HCN1: variants seen among roughly 807,000 people sequenced by gnomAD.
HCN1 encodes the protein hyperpolarization activated cyclic nucleotide gated potassium channel 1, also known as potassium/sodium hyperpolarization-activated cyclic nucleotide-gated channel 1.
A neutral mutation model predicts 78.9 loss-of-function variants in HCN1; 13 were observed. That is an observed-to-expected ratio of 0.16 (90% CI 0.11 to 0.26). HCN1 has a LOEUF of 0.26. Ranked by LOEUF, HCN1 falls within the 10% of genes least tolerant of loss-of-function variation. The pLI is 1.00. For synonymous variants in HCN1, 552 were observed against 455.5 expected, an observed-to-expected ratio of 1.21 and a Z score of -2.70; for missense variants, 810 against 1,154.3, an observed-to-expected ratio of 0.70 and a Z score of 4.32.
chr5:45,635,255 A>G (rs1745335934), intron 2 of HCN1, among the ~76,000 whole-genome samples: 1 of 152,124 alleles, frequency 6.6e-6, no homozygotes, highest in South Asian at 2.1e-4. Flanking sequence ...TTTAAAAATG[A>G]GAAAAATGTC....
chr5:45,575,143 A>G (rs1012917171), intron 2 of HCN1: 1 of 152,170 alleles, frequency 6.6e-6, no homozygotes, highest in African/African-American at 2.4e-5. Flanking sequence ...ACATCCTTCT[A>G]TTGGAGGAAA....
intron 3 of HCN1, among the ~76,000 whole-genome samples, chr5:45,434,881 A>G (rs1421305971): frequency 6.6e-6 from 1 of 152,138 alleles, no homozygotes; most frequent in African/African-American, 2.4e-5. Context: ...TCTATATTAT[A>G]AAAGAATTAT....
chr5:45,452,950 T>C (rs1414404659), intron 3 of HCN1, among the ~76,000 whole-genome samples: 4 of 152,098 alleles, frequency 2.6e-5, no homozygotes, highest in Non-Finnish European at 4.4e-5. Context: ...CACATGGCTT[T>C]CTTCATGTCA....
At chr5:45,640,089 C>G (rs1001243758) in intron 2 of HCN1, among the ~76,000 whole-genome samples, 1 of 152,186 alleles carries the variant, frequency 6.6e-6, no homozygotes, top group Admixed American at 6.5e-5. Context: ...TTGTGCAAAG[C>G]AATTGTGTTG....
At chr5:45,331,947 C>G (rs1350439004) in intron 5 of HCN1, among the ~76,000 whole-genome samples, 1 of 151,366 alleles carries the variant, frequency 6.6e-6, no homozygotes, top group East Asian at 1.9e-4. Flanking sequence ...TAATAATTTC[C>G]ATAATTTAAC....
intron 4 of HCN1, among the ~76,000 whole-genome samples, chr5:45,354,628 C>CA (rs1444788596): frequency 1.3e-5 from 2 of 151,900 alleles, no homozygotes; most frequent in South Asian, 4.2e-4. Context: ...TTTCATTTTG[C>CA]AAAAAAATTA....
intron 2 of HCN1, among the ~76,000 whole-genome samples, chr5:45,556,414 C>T (rs1203694779): frequency 5.9e-5 from 9 of 151,962 alleles, no homozygotes; most frequent in Admixed American, 3.9e-4. Context: ...GGCCATTGTT[C>T]TCTGCCTATA....
intron 5 of HCN1, among the ~76,000 whole-genome samples, chr5:45,337,392 C>T (rs920898339): frequency 3.9e-5 from 6 of 152,022 alleles, no homozygotes; most frequent in Non-Finnish European, 8.8e-5. Flanking sequence ...GACAGTGATA[C>T]TAAGAAAGTT....
chr5:45,301,521 C>T (rs1056602383), intron 6 of HCN1, among the ~76,000 whole-genome samples: 3 of 151,374 alleles, frequency 2.0e-5, no homozygotes, highest in Admixed American at 2.0e-4. Flanking sequence ...GAGTTAGAGA[C>T]CAGCCTGGGC....
chr5:45,505,654 A>T (rs997265609), intron 2 of HCN1, among the ~76,000 whole-genome samples: 1 of 152,118 alleles, frequency 6.6e-6, no homozygotes, highest in Non-Finnish European at 1.5e-5. Flanking sequence ...TAAGGTTTTC[A>T]TTAAAATCTG....
intron 3 of HCN1, among the ~76,000 whole-genome samples, chr5:45,436,921 T>C (rs1364206863): frequency 6.6e-6 from 1 of 152,192 alleles, no homozygotes; most frequent in Non-Finnish European, 1.5e-5. Context: ...TCAACCAGAT[T>C]AAATAATACA....
intron 2 of HCN1, among the ~76,000 whole-genome samples, chr5:45,636,687 A>G (rs867783303): frequency 6.6e-6 from 1 of 152,098 alleles, no homozygotes; most frequent in Non-Finnish European, 1.5e-5. Flanking sequence ...GTCTGTACAA[A>G]AGAAAAATTT....
At chr5:45,324,304 T>G (rs1002107662) in intron 5 of HCN1, among the ~76,000 whole-genome samples, 2 of 151,654 alleles carry the variant, frequency 1.3e-5, no homozygotes. Context: ...CAAACAAATT[T>G]ACAAGAAAAA....
At chr5:45,658,095 C>T (rs1306181035) in intron 1 of HCN1, among the ~76,000 whole-genome samples, 1 of 152,162 alleles carries the variant, frequency 6.6e-6, no homozygotes, top group Admixed American at 6.5e-5. Context: ...ATATCTACAA[C>T]TATCTGATCT....
At chr5:45,417,330 C>T (rs1184820819) in intron 3 of HCN1, among the ~76,000 whole-genome samples, 1 of 151,648 alleles carries the variant, frequency 6.6e-6, no homozygotes, top group Admixed American at 6.6e-5. Flanking sequence ...AAAACAAAAT[C>T]CTAGCAATTA....
intron 2 of HCN1, among the ~76,000 whole-genome samples, chr5:45,464,305 AT>A (rs1242923324): frequency 6.6e-6 from 1 of 152,086 alleles, no homozygotes; most frequent in Non-Finnish European, 1.5e-5. Flanking sequence ...GCTACTATGC[AT>A]TTTCATGAAC....
intron 1 of HCN1, among the ~76,000 whole-genome samples, chr5:45,668,989 G>C (rs1480938162): frequency 6.6e-6 from 1 of 151,784 alleles, no homozygotes; most frequent in Non-Finnish European, 1.5e-5. Context: ...AATGAATGTA[G>C]AAGGGCTGAA....
In HCN1 at chr5:45,423,759, G is replaced by T. The variant is rs1014296590; in HGVS notation, c.1012-27049C>A. ...CTTCTCGCAGTGCCTACCTAGAATG[G>T]GATAGAGGTTCAATAAAGAGTTTCC... On this transcript the variant is annotated intron_variant, in intron 3 of 7. Coordinates refer to ENST00000303230, the MANE Select transcript of HCN1 (RefSeq NM_021072.4). 2.0e-5 allele frequency among the ~76,000 whole-genome samples: 3 copies of T among 152,024 alleles called. No homozygotes were observed. In the South Asian group the frequency reaches 6.2e-4, roughly 32 times the overall value.
intron 2 of HCN1, among the ~76,000 whole-genome samples, chr5:45,591,934 C>T (rs1002295524): frequency 4.6e-5 from 7 of 151,710 alleles, no homozygotes; most frequent in African/African-American, 1.7e-4. Context: ...TTACATTTAG[C>T]TCCGTGATCC....
Sources: allele counts gnomAD v4.1 joint callset (sites outside exome capture counted in the v4.1 genomes callset), GRCh38; gene constraint gnomAD v4.1.1; transcripts MANE v1.5; gene names NCBI Gene and HGNC (gene_info 2026-07-23, HGNC 2026-07-21).